The following ANKS6 variants were observed in gnomAD, a reference collection of about 807,000 sequenced individuals.
ANKS6 encodes ankyrin repeat and SAM domain-containing protein 6.
A neutral mutation model predicts 77.9 loss-of-function variants in ANKS6; 47 were observed. The observed-to-expected ratio is 0.60, with a 90% CI of 0.48 to 0.77. The LOEUF is 0.77. ANKS6 is among the 30% of genes least tolerant of loss of function. The pLI is 0.00. For synonymous variants in ANKS6, 488 were observed against 501.7 expected (o/e 0.97, Z 0.37); for missense variants, 1,150 against 1,159.1 (o/e 0.99, Z 0.11).
Position 98,733,444 on chromosome 9 carries a change from C to T in ANKS6, c.*3075G>A. On this transcript the variant is annotated 3_prime_UTR_variant, in exon 15 of 15. Coordinates refer to ENST00000353234, the MANE Select transcript of ANKS6 (RefSeq NM_173551.5). ...GCTGGAGAGCTCTCAGAACAGGGAC[C>T]CTGCCATCTCAAAGCAGGACCGGTC... is the stretch of plus-strand genomic sequence containing the variant. The T allele has an allele frequency of 1.0e-6, 1 of 985,420 alleles. No individual in the cohort carries two copies. Among genetic ancestry groups the T allele is most frequent in the Non-Finnish European group, 1.2e-6 (1 of 829,960 alleles). The allele number at this position is 985,420 out of a possible 1,614,324, so 61.0% of individuals were successfully genotyped here.
At chr9:98,774,571 G>A (rs1833823524) in intron 8 of ANKS6, among the ~76,000 whole-genome samples, 1 of 152,184 alleles carries the variant, frequency 6.6e-6, no homozygotes. Flanking sequence ...GTGCTGCAAG[G>A]AGACCAGCAT....
intron 14 of ANKS6, 109 bp from the exon 15 acceptor site, chr9:98,736,732 G>C: frequency 1.5e-6 from 2 of 1,332,078 alleles, no homozygotes; most frequent in Non-Finnish European, 2.1e-6. Flanking sequence ...AAAACCCATG[G>C]GCGTCTTGGG....
intron 8 of ANKS6, 84 bp from the exon 9 acceptor site, chr9:98,774,164 T>C: frequency 1.6e-6 from 2 of 1,246,184 alleles, no homozygotes; most frequent in Non-Finnish European, 2.1e-6. Context: ...TTCCTGCTTC[T>C]TGGGGCATGG....
At chr9:98,757,213 G>A (rs942940576) in intron 11 of ANKS6, among the ~76,000 whole-genome samples, 1 of 152,112 alleles carries the variant, frequency 6.6e-6, no homozygotes, top group African/African-American at 2.4e-5. Context: ...CTAACAAGCT[G>A]ACATTGACAC....
chr9:98,736,015 CA>C lies in ANKS6; in HGVS notation c.*503del. The C allele has an allele frequency of 8.3e-7, 1 of 1,210,904 alleles. No homozygotes were observed. The highest frequency in any genetic ancestry group is 1.0e-6 in the Non-Finnish European group (1 of 975,356). The allele number at this position is 1,210,904 out of a possible 1,614,324, so 75.0% of individuals were successfully genotyped here. On this transcript the variant is annotated 3_prime_UTR_variant, in exon 15 of 15. Coordinates refer to ENST00000353234, the MANE Select transcript of ANKS6 (RefSeq NM_173551.5). ...CATAATACATACCCCCCATCTAAGTCAAAAGTTGTTGCTGGGAAGCCACTAT... is the reference window on the plus strand; with the variant it reads ...CATAATACATACCCCCCATCTAAGTCAAAGTTGTTGCTGGGAAGCCACTAT...
chr9:98,764,318 G>C (rs918802827), intron 11 of ANKS6, among the ~76,000 whole-genome samples: 1 of 152,100 alleles, frequency 6.6e-6, no homozygotes, highest in African/African-American at 2.4e-5. Context: ...ATATGGAGGG[G>C]TACATTCTTT....
In ANKS6 at chr9:98,770,801, C is replaced by T. The variant is rs74879868; in HGVS notation, c.1972+95G>A. ...GAAAGTGCCTCTTGCGTGGTCATTTCTGCGACTGTCTGCAACCTGAATATC... is the reference window on the plus strand; with the variant it reads ...GAAAGTGCCTCTTGCGTGGTCATTTTTGCGACTGTCTGCAACCTGAATATC... On this transcript the variant is annotated intron_variant, in intron 10 of 14. Coordinates refer to ENST00000353234, the MANE Select transcript of ANKS6 (RefSeq NM_173551.5). 1,436 of 1,232,912 alleles carry T rather than the reference C, an allele frequency of 1.2e-3. 2 individuals carry two copies. The highest frequency in any genetic ancestry group is 1.3e-3 in the Non-Finnish European group (1,273 of 971,822). The allele number at this position is 1,232,912 out of a possible 1,614,324, so 76.4% of individuals were successfully genotyped here.
intron 12 of ANKS6, 76 bp downstream of exon 12, chr9:98,756,344 T>C: frequency 6.6e-7 from 1 of 1,509,850 alleles, no homozygotes; most frequent in African/African-American, 1.4e-5. Context: ...GCAATTAAGG[T>C]CACCTTGCAG....
Position 98,745,533 on chromosome 9 carries a change from G to C in ANKS6, c.2511+26C>G, listed in dbSNP as rs368679534. The C allele has an allele frequency of 2.1e-5, 33 of 1,592,472 alleles. No homozygotes were observed. The African/African-American group carries it at 2.8e-4, about 14-fold the overall frequency. The stretch of plus-strand genomic sequence containing the variant: ...GAAGCTCTCAGATGTCTGAAACACG[G>C]AAATACAAGAAACAGAGAACGGTAC... On this transcript the variant is annotated intron_variant, in intron 14 of 14. Coordinates refer to ENST00000353234, the MANE Select transcript of ANKS6 (RefSeq NM_173551.5).
chr9:98,741,166 T>A (rs917247501), intron 14 of ANKS6, among the ~76,000 whole-genome samples: 5 of 152,272 alleles, frequency 3.3e-5, no homozygotes, highest in Admixed American at 2.0e-4. Flanking sequence ...AGGAATTTTT[T>A]AAAAATTAAT....
chr9:98,763,101 GA>G (rs1180424611), intron 11 of ANKS6, among the ~76,000 whole-genome samples: 2 of 152,040 alleles, frequency 1.3e-5, no homozygotes, highest in Non-Finnish European at 2.9e-5. Context: ...TAAGAATATA[GA>G]AGACATGAAC....
At position 98,732,414 on chromosome 9, in the gene ANKS6, A is replaced by C; in HGVS notation, c.*4105T>G. 5 of 1,397,440 alleles carry C rather than the reference A, an allele frequency of 3.6e-6. No individual in the cohort carries two copies. In the South Asian group the frequency reaches 6.3e-5, roughly 18 times the overall value. 86.6% of individuals were successfully genotyped at this position (1,397,440 alleles called of 1,614,324 possible). ...TGCCAGGAAATCCAGTGACAGCAAG[A>C]CCCAGAGTCAGGCACATTTGGAGGG... On this transcript the variant is annotated 3_prime_UTR_variant, in exon 15 of 15. Coordinates refer to ENST00000353234, the MANE Select transcript of ANKS6 (RefSeq NM_173551.5).
chr9:98,776,142 A>C (rs1239671065), intron 8 of ANKS6, among the ~76,000 whole-genome samples: 2 of 152,204 alleles, frequency 1.3e-5, no homozygotes, highest in Non-Finnish European at 2.9e-5. Context: ...GGGAGGTAAC[A>C]CATCCAAGTT....
At chr9:98,757,993 G>T (rs1348472200) in intron 11 of ANKS6, among the ~76,000 whole-genome samples, 1 of 151,986 alleles carries the variant, frequency 6.6e-6, no homozygotes, top group East Asian at 1.9e-4. Context: ...AAGTTTTTGG[G>T]TAAATATTTA....
chr9:98,776,265 C>G (rs1451646602), intron 8 of ANKS6, among the ~76,000 whole-genome samples: 1 of 152,128 alleles, frequency 6.6e-6, no homozygotes, highest in Non-Finnish European at 1.5e-5. Context: ...TGCAAACTGT[C>G]CCCCAGTATC....
intron 3 of ANKS6, chr9:98,784,508 AAG>A: frequency 2.4e-6 from 1 of 410,456 alleles, no homozygotes; most frequent in Admixed American, 4.1e-5. Flanking sequence ...GGTCTATATC[AAG>A]AGAGAAAATT....
At chr9:98,773,838 A>G (rs1833768710) in intron 9 of ANKS6, 39 bp downstream of exon 9, 9 of 1,464,490 alleles carry the variant, frequency 6.1e-6, no homozygotes, top group Admixed American at 2.2e-5. Flanking sequence ...CTCAGTGAGC[A>G]GTGAGTGATG....
chr9:98,770,335 G>A (rs1376672204), intron 10 of ANKS6, among the ~76,000 whole-genome samples: 2 of 152,126 alleles, frequency 1.3e-5, no homozygotes, highest in Admixed American at 6.5e-5. Context: ...CCCAGTCTCG[G>A]GTATGTCTTT....
rs115807585 is a variant in ANKS6, at chr9:98,773,931, C to A, written c.1767G>T (p.Ala589=). The change falls in exon 9 of 15, where the codon GCG becomes GCT. Residue 589 remains alanine, a synonymous_variant. Transcript: ENST00000353234. ...HNGKADPMKT[A]LPQRASRGHP... ...GGCCCCTGCTGGCTCTCTGGGGCAG[C>A]GCAGTCTTCATGGGGTCTGCCTTCC... 1.9e-6 allele frequency: 3 copies of A among 1,599,082 alleles called. No individual in the cohort carries two copies. The highest frequency in any genetic ancestry group is 2.6e-6 in the Non-Finnish European group (3 of 1,175,688).
Sources: allele counts gnomAD v4.1 joint callset (sites outside exome capture counted in the v4.1 genomes callset), GRCh38; gene constraint gnomAD v4.1.1; transcripts MANE v1.5; gene names NCBI Gene and HGNC (gene_info 2026-07-23, HGNC 2026-07-21).